MACROD2: variants seen among roughly 807,000 people sequenced by gnomAD.
MACROD2 encodes ADP-ribose glycohydrolase MACROD2.
A neutral mutation model predicts 70.4 loss-of-function variants in MACROD2; 36 were observed. The observed-to-expected ratio is 0.51, with a 90% CI of 0.39 to 0.68. The LOEUF (loss-of-function observed/expected upper bound fraction) is 0.68. MACROD2 is among the 30% of genes least tolerant of loss of function. The pLI is 0.00. For missense variants in MACROD2, 496 were observed against 538.4 expected (o/e 0.92, Z 0.78); for synonymous variants, 172 against 178.8 (o/e 0.96, Z 0.30).
chr20:14,230,654 T>TATATATATATATATATATAAAAAAA, intron 3 of MACROD2, among the ~76,000 whole-genome samples: 15 of 74,236 alleles, frequency 2.0e-4, no homozygotes, highest in South Asian at 1.6e-3. Flanking sequence ...TATATATATA[T>TATATATATATATATATATAAAAAAA]AACACAGGCT....
chr20:15,864,169 T>C (rs1054999454), intron 9 of MACROD2, among the ~76,000 whole-genome samples: 5 of 152,168 alleles, frequency 3.3e-5, no homozygotes, highest in African/African-American at 4.8e-5. Flanking sequence ...ATTTAATAAT[T>C]AGTTGTTGAG....
At chr20:14,346,319 C>T (rs2083064166) in intron 3 of MACROD2, among the ~76,000 whole-genome samples, 1 of 151,954 alleles carries the variant, frequency 6.6e-6, no homozygotes, top group Non-Finnish European at 1.5e-5. Flanking sequence ...ATTTTGTTTG[C>T]TGTATGTTCT....
At chr20:15,019,712 A>G (rs1377934100) in intron 5 of MACROD2, among the ~76,000 whole-genome samples, 1 of 152,166 alleles carries the variant, frequency 6.6e-6, no homozygotes, top group African/African-American at 2.4e-5. Flanking sequence ...AATGAAGGGG[A>G]GAAGAAGAAA....
At chr20:15,125,408 G>A (rs1383063967) in intron 5 of MACROD2, among the ~76,000 whole-genome samples, 1 of 152,082 alleles carries the variant, frequency 6.6e-6, no homozygotes, top group Non-Finnish European at 1.5e-5. Flanking sequence ...TAGGGGTTAA[G>A]ATGAAGATTT....
intron 8 of MACROD2, among the ~76,000 whole-genome samples, chr20:15,833,336 A>G (rs1391710613): frequency 6.6e-6 from 1 of 152,100 alleles, no homozygotes; most frequent in Non-Finnish European, 1.5e-5. Flanking sequence ...TTCTTTCTTC[A>G]ATTCAGTTCT....
chr20:14,073,237 G>A (rs2053873241), intron 2 of MACROD2, among the ~76,000 whole-genome samples: 1 of 152,040 alleles, frequency 6.6e-6, no homozygotes, highest in Non-Finnish European at 1.5e-5. Flanking sequence ...TTGGGAGGCT[G>A]AGGCAGGAGA....
chr20:15,568,904 C>T (rs577737563), intron 8 of MACROD2, among the ~76,000 whole-genome samples: 14 of 152,292 alleles, frequency 9.2e-5, no homozygotes, highest in African/African-American at 3.4e-4. Context: ...AGCTTGGGAA[C>T]ACCAGGATTT....
At chr20:16,006,043 A>T (rs1039716958) in intron 15 of MACROD2, among the ~76,000 whole-genome samples, 1 of 152,204 alleles carries the variant, frequency 6.6e-6, no homozygotes, top group South Asian at 2.1e-4. Flanking sequence ...AGCAATTTCA[A>T]TGAAGAGCTT....
intron 6 of MACROD2, among the ~76,000 whole-genome samples, chr20:15,279,243 TC>T (rs1398918429): frequency 2.0e-5 from 3 of 152,108 alleles, no homozygotes; most frequent in Non-Finnish European, 2.9e-5. Flanking sequence ...AACAAAAAGG[TC>T]ATGGCATTTT....
intron 6 of MACROD2, among the ~76,000 whole-genome samples, chr20:15,257,009 A>G (rs2077205364): frequency 6.6e-6 from 1 of 152,056 alleles, no homozygotes; most frequent in South Asian, 2.1e-4. Flanking sequence ...TCAGATTACC[A>G]GCTTTTATGC....
At chr20:15,434,262 A>G (rs1411783413) in intron 7 of MACROD2, among the ~76,000 whole-genome samples, 1 of 151,960 alleles carries the variant, frequency 6.6e-6, no homozygotes, top group African/African-American at 2.4e-5. Context: ...GGGAGAAAAT[A>G]TTTGCAAACT....
chr20:15,299,926 G>A (rs1781602775), intron 6 of MACROD2, among the ~76,000 whole-genome samples: 1 of 152,180 alleles, frequency 6.6e-6, no homozygotes, highest in Non-Finnish European at 1.5e-5. Context: ...TGAGAAGAGA[G>A]GAAGCTTTGA....
chr20:15,721,092 A>C (rs138064125), intron 8 of MACROD2, among the ~76,000 whole-genome samples: 1 of 152,320 alleles, frequency 6.6e-6, no homozygotes, highest in East Asian at 1.9e-4. Context: ...TATGTTAAGT[A>C]AGTCTCATAA....
At chr20:15,017,968 A>G (rs748037974) in intron 5 of MACROD2, among the ~76,000 whole-genome samples, 1 of 152,200 alleles carries the variant, frequency 6.6e-6, no homozygotes, top group African/African-American at 2.4e-5. Context: ...GTTCTCTGAC[A>G]TGGCCTGGAG....
intron 6 of MACROD2, among the ~76,000 whole-genome samples, chr20:15,329,968 A>G (rs373912960): frequency 2.0e-5 from 3 of 152,066 alleles, no homozygotes; most frequent in Non-Finnish European, 4.4e-5. Flanking sequence ...TATACCCAGA[A>G]GAAACATCCT....
chr20:14,130,604 G>A (rs139601035), intron 3 of MACROD2, among the ~76,000 whole-genome samples: 86 of 152,174 alleles, frequency 5.7e-4, no homozygotes, highest in African/African-American at 1.9e-3. Flanking sequence ...ATTCATTATA[G>A]CAGCATATTC....
chr20:14,009,348 A>G (rs906096213), intron 2 of MACROD2, among the ~76,000 whole-genome samples: 1 of 152,342 alleles, frequency 6.6e-6, no homozygotes, highest in Admixed American at 6.5e-5. Context: ...GCCAACAAAC[A>G]TATGACAAAA....
At chr20:15,072,421 G>A (rs4814335) in intron 5 of MACROD2, among the ~76,000 whole-genome samples, 26,860 of 152,040 alleles carry the variant, frequency 0.18, 2,832 homozygotes, top group East Asian at 0.35. Flanking sequence ...ATTGATGATG[G>A]CAAGAATAAG....
intron 2 of MACROD2, among the ~76,000 whole-genome samples, chr20:14,027,874 T>C (rs897587953): frequency 2.0e-5 from 3 of 152,162 alleles, no homozygotes; most frequent in African/African-American, 7.2e-5. Flanking sequence ...TGTCACCTAG[T>C]CAAGAGGTAA....
Sources: allele counts gnomAD v4.1 joint callset (sites outside exome capture counted in the v4.1 genomes callset), GRCh38; gene constraint gnomAD v4.1.1; transcripts MANE v1.5; gene names NCBI Gene and HGNC (gene_info 2026-07-23, HGNC 2026-07-21).